XKR6: variants seen among roughly 807,000 people sequenced by gnomAD.
XKR6 encodes the protein XK-related protein 6.
A neutral mutation model predicts 56.7 loss-of-function variants in XKR6; 22 were observed. That is an observed-to-expected ratio of 0.39 (90% CI 0.28 to 0.55). The LOEUF (loss-of-function observed/expected upper bound fraction) is 0.55, where lower values mean the gene tolerates loss of function less well. Among genes scored for constraint, XKR6 ranks in the 20% least tolerant of loss-of-function variants. The pLI is 0.66. For synonymous variants in XKR6, 524 were observed against 387.8 expected, an observed-to-expected ratio of 1.35 and a Z score of -4.13; for missense variants, 852 against 889.0, an observed-to-expected ratio of 0.96 and a Z score of 0.53.
chr8:11,088,722 A>G (rs1797973358), intron 1 of XKR6, among the ~76,000 whole-genome samples: 1 of 152,248 alleles, frequency 6.6e-6, no homozygotes, highest in Non-Finnish European at 1.5e-5. Flanking sequence ...ATACAATCTG[A>G]GACTCATTTA....
intron 2 of XKR6, among the ~76,000 whole-genome samples, chr8:10,918,761 G>T (rs1800632652): frequency 6.6e-6 from 1 of 152,128 alleles, no homozygotes; most frequent in African/African-American, 2.4e-5. Flanking sequence ...CTTCCCCAAA[G>T]ATCTTCCTCC....
chr8:11,081,799 C>T (rs1405373300), intron 1 of XKR6, among the ~76,000 whole-genome samples: 1 of 152,318 alleles, frequency 6.6e-6, no homozygotes, highest in South Asian at 2.1e-4. Flanking sequence ...TGCAAGTGTT[C>T]ATTAGGAATC....
intron 1 of XKR6, among the ~76,000 whole-genome samples, chr8:11,160,387 T>C (rs1260568384): frequency 1.3e-5 from 2 of 149,380 alleles, no homozygotes; most frequent in East Asian, 2.0e-4. Flanking sequence ...ATGGCCTTTA[T>C]GGGGAAAAAA....
intron 1 of XKR6, among the ~76,000 whole-genome samples, chr8:11,133,715 ATCC>A (rs140359056): frequency 0.028 from 4,254 of 152,110 alleles, 214 homozygotes; most frequent in African/African-American, 0.097. Flanking sequence ...TATGTTGAAA[ATCC>A]TCCATGTCCT....
At chr8:11,014,824 T>G (rs1379439363) in intron 1 of XKR6, among the ~76,000 whole-genome samples, 2 of 152,112 alleles carry the variant, frequency 1.3e-5, no homozygotes, top group South Asian at 4.1e-4. Flanking sequence ...CCTGCACGCG[T>G]ACCCCCTGAA....
At chr8:10,946,000 C>G (rs1801525944) in intron 1 of XKR6, among the ~76,000 whole-genome samples, 1 of 152,054 alleles carries the variant, frequency 6.6e-6, no homozygotes, top group East Asian at 1.9e-4. Context: ...TCCAACCAAG[C>G]AAGACAAGCC....
intron 1 of XKR6, among the ~76,000 whole-genome samples, chr8:11,147,645 ACT>A (rs1159309456): frequency 7.5e-5 from 10 of 133,618 alleles, no homozygotes; most frequent in African/African-American, 2.9e-4. Flanking sequence ...ACAGAGCGAG[ACT>A]CTGTCTCAAA....
intron 2 of XKR6, among the ~76,000 whole-genome samples, chr8:10,907,884 T>C (rs1159154682): frequency 1.3e-5 from 2 of 152,198 alleles, no homozygotes; most frequent in East Asian, 1.9e-4. Context: ...TTCTGTTCCA[T>C]CTCTCTTGCC....
At chr8:11,167,890 T>TAAAAAAAAAAAAAAAAAAAAACAA in intron 1 of XKR6, among the ~76,000 whole-genome samples, 1 of 108,380 alleles carries the variant, frequency 9.2e-6, no homozygotes, top group Non-Finnish European at 1.9e-5. Context: ...CCCCATCTCT[T>TAAAAAAAAAAAAAAAAAAAAACAA]AAAAAAAAAA....
At position 10,923,350 on chromosome 8, in the gene XKR6, T is replaced by C. The variant is rs1032101280; in HGVS notation, c.961+1284A>G. On this transcript the variant is annotated intron_variant, in intron 2 of 2. Coordinates refer to ENST00000416569, the MANE Select transcript of XKR6 (RefSeq NM_173683.4). ...ACAGATACCCTGGGGCCCCTTTTTCTACCAGACAGCCTCCATTGAGGGCTG... is the reference window on the plus strand; with the variant it reads ...ACAGATACCCTGGGGCCCCTTTTTCCACCAGACAGCCTCCATTGAGGGCTG... Among the ~76,000 whole-genome samples the C allele has an allele frequency of 1.8e-4, 27 of 152,112 alleles. No individual in the cohort carries two copies. In the Middle Eastern group the frequency reaches 0.014, roughly 77 times the overall value.
chr8:11,089,702 C>T (rs528172007), intron 1 of XKR6, among the ~76,000 whole-genome samples: 10 of 152,306 alleles, frequency 6.6e-5, no homozygotes, highest in African/African-American at 2.4e-4. Context: ...ACAAGGAGCA[C>T]ATGTACACCC....
intron 1 of XKR6, among the ~76,000 whole-genome samples, chr8:11,181,945 C>A (rs1803007787): frequency 6.6e-6 from 1 of 152,130 alleles, no homozygotes; most frequent in Non-Finnish European, 1.5e-5. Flanking sequence ...CTCCGCCTTC[C>A]AGGCTCAAGC....
chr8:11,161,986 A>G (rs994298804), intron 1 of XKR6, among the ~76,000 whole-genome samples: 1 of 152,150 alleles, frequency 6.6e-6, no homozygotes, highest in Non-Finnish European at 1.5e-5. Flanking sequence ...CCACCAGAGG[A>G]CCTTTTCTCA....
At chr8:11,078,801 C>T (rs572120069) in intron 1 of XKR6, among the ~76,000 whole-genome samples, 3 of 152,208 alleles carry the variant, frequency 2.0e-5, no homozygotes, top group Non-Finnish European at 4.4e-5. Context: ...TCCAGCCCCA[C>T]AGGCCTCCAG....
chr8:10,939,330 G>T (rs1801318959), intron 1 of XKR6, among the ~76,000 whole-genome samples: 1 of 152,192 alleles, frequency 6.6e-6, no homozygotes, highest in Admixed American at 6.5e-5. Context: ...TTTGGGCCTG[G>T]CCCCAAGGAC....
chr8:11,200,426 G>A lies in XKR6; in HGVS notation c.764+150C>T. On this transcript the variant is annotated intron_variant, in intron 1 of 2. Transcript: ENST00000416569. This position sits in a 1 kb window ranked among gnomAD's most constrained non-coding sequence, Gnocchi z 6.4. ...GGCCAGGGATCCAGATCAAACGCCG[G>A]TCTTTTGGAGACGCCAGGGGCGGCG... is the stretch of plus-strand genomic sequence containing the variant. 1.8e-6 allele frequency: 2 copies of A among 1,097,906 alleles called. No individual in the cohort carries two copies. The highest frequency in any genetic ancestry group is 3.3e-5 in the African/African-American group (2 of 60,380). 68.0% of individuals were successfully genotyped at this position (1,097,906 alleles called of 1,614,324 possible). A position where few individuals can be genotyped will look rare whatever the true frequency, so the allele number is the denominator to read the frequency against.
At chr8:10,900,387 T>C (rs1202247340) in intron 2 of XKR6, among the ~76,000 whole-genome samples, 1 of 152,084 alleles carries the variant, frequency 6.6e-6, no homozygotes, top group Non-Finnish European at 1.5e-5. Flanking sequence ...CACGTGACAC[T>C]CTCCCAGCAC....
intron 1 of XKR6, among the ~76,000 whole-genome samples, chr8:10,943,457 G>A (rs1014220634): frequency 7.2e-5 from 11 of 152,172 alleles, no homozygotes; most frequent in African/African-American, 2.6e-4. Context: ...CACATCCATG[G>A]CTCTCCATCC....
At chr8:10,929,205 A>G (rs201944954) in intron 1 of XKR6, among the ~76,000 whole-genome samples, 1 of 152,194 alleles carries the variant, frequency 6.6e-6, no homozygotes, top group East Asian at 1.9e-4. Context: ...ATAATGCCTC[A>G]TGTTTGTGTG....
Sources: allele counts gnomAD v4.1 joint callset (sites outside exome capture counted in the v4.1 genomes callset), GRCh38; gene constraint gnomAD v4.1.1; non-coding constraint Gnocchi (gnomAD v3.1); transcripts MANE v1.5; gene names NCBI Gene and HGNC (gene_info 2026-07-23, HGNC 2026-07-21).